FAT1: variants seen among roughly 807,000 people sequenced by gnomAD.
FAT1 encodes the protein protocadherin Fat 1.
In FAT1, 171 loss-of-function variants were observed where a neutral mutation model predicts 329.8. That is an observed-to-expected ratio of 0.52 (90% confidence interval 0.46 to 0.59). The LOEUF is 0.59. Ranked by LOEUF, FAT1 falls within the 20% of genes least tolerant of loss-of-function variation. The probability of loss-of-function intolerance (pLI) is 0.00; values close to 1 mark genes in which losing one functional copy is unlikely to be tolerated. For synonymous variants in FAT1, 2,233 were observed against 2,228.6 expected (o/e 1.00, Z -0.06); for missense variants, 5,672 against 5,774.4 (o/e 0.98, Z 0.57).
intron 3 of FAT1, among the ~76,000 whole-genome samples, chr4:186,640,294 T>C (rs965353149): frequency 2.6e-5 from 4 of 152,222 alleles, no homozygotes; most frequent in African/African-American, 9.6e-5. Context: ...TAATGACTCA[T>C]ATTGGATAAA....
At chr4:186,613,731 A>G (rs1739575386) in intron 12 of FAT1, among the ~76,000 whole-genome samples, 1 of 152,216 alleles carries the variant, frequency 6.6e-6, no homozygotes, top group South Asian at 2.1e-4. Context: ...GTTGATCCCA[A>G]TTTTACCAAA....
rs1739751980 is a variant in FAT1 at position 186,617,138 on chromosome 4, T to C, written c.8942A>G (p.Lys2981Arg). The C allele has an allele frequency of 6.2e-7, 1 of 1,613,882 alleles. No homozygotes were observed. The highest frequency in any genetic ancestry group is 8.5e-7 in the Non-Finnish European group (1 of 1,179,800). The part of the protein sequence containing the change: ...TIQNEWKVYV[K>R]KPLDREKRDN... ...CCTTTTTTCCCTGTCTAGAGGTTTC[T>C]TCACATATACCTTCCATTCATTCTG... The change falls in exon 11 of 27, where the codon AAG (lysine) becomes AGG (arginine). Residue 2981 changes from lysine (K) to arginine (R), a missense_variant. Around this residue, in one of 2 missense-constraint regions of FAT1, gnomAD observed 3,966 missense variants for 3,915.2 expected, o/e 1.01. Transcript: ENST00000441802.
At chr4:186,724,001 A>C (rs1473195631), upstream of FAT1, 17 of 150,544 alleles carry the variant, frequency 1.1e-4, no homozygotes, top group African/African-American at 4.2e-4. This position sits in a 1 kb window ranked among gnomAD's most constrained non-coding sequence, Gnocchi z 5.3. Context: ...GGACCCAAAG[A>C]GCCCCAGTCC....
intron 7 of FAT1, among the ~76,000 whole-genome samples, chr4:186,631,992 G>A (rs1740622172): frequency 6.6e-6 from 1 of 151,722 alleles, no homozygotes; most frequent in African/African-American, 2.4e-5. Flanking sequence ...GGTCAACCTG[G>A]GCTACTGTTC....
intron 16 of FAT1, among the ~76,000 whole-genome samples, chr4:186,607,641 G>T (rs1405071232): frequency 6.6e-6 from 1 of 151,824 alleles, no homozygotes; most frequent in Non-Finnish European, 1.5e-5. Flanking sequence ...ATATGTAGAT[G>T]GGTGAGTGAA....
chr4:186,716,295 G>A (rs1431643864), intron 1 of FAT1, among the ~76,000 whole-genome samples: 1 of 152,134 alleles, frequency 6.6e-6, no homozygotes, highest in Non-Finnish European at 1.5e-5. Context: ...CCCTCACTGT[G>A]CTCTTCTCCA....
At chr4:186,638,167 A>C (rs1740921833) in intron 4 of FAT1, among the ~76,000 whole-genome samples, 1 of 152,214 alleles carries the variant, frequency 6.6e-6, no homozygotes, top group Non-Finnish European at 1.5e-5. Context: ...ACCACCCCAA[A>C]AGGACCCTAC....
chr4:186,593,367 T>G (rs562051095), intron 26 of FAT1, among the ~76,000 whole-genome samples: 2 of 152,220 alleles, frequency 1.3e-5, no homozygotes, highest in Non-Finnish European at 2.9e-5. Context: ...TCAGATTGTT[T>G]TAAAATAACT....
intron 2 of FAT1, among the ~76,000 whole-genome samples, chr4:186,669,311 G>A (rs979469544): frequency 6.6e-6 from 1 of 152,164 alleles, no homozygotes; most frequent in East Asian, 1.9e-4. Context: ...AAACTCTGTC[G>A]CCACTCCCGT....
chr4:186,672,453 C>T (rs934490148), intron 2 of FAT1, among the ~76,000 whole-genome samples: 11 of 152,116 alleles, frequency 7.2e-5, no homozygotes, highest in African/African-American at 1.9e-4. Context: ...ATGACACTGA[C>T]CACCATGACC....
At chr4:186,694,694 G>T (rs1743945614) in intron 2 of FAT1, among the ~76,000 whole-genome samples, 1 of 152,156 alleles carries the variant, frequency 6.6e-6, no homozygotes, top group Non-Finnish European at 1.5e-5. Flanking sequence ...TGGGTACAGT[G>T]GTTCACACCA....
At chr4:186,649,821 A>T (rs1322643287) in intron 3 of FAT1, among the ~76,000 whole-genome samples, 2 of 152,230 alleles carry the variant, frequency 1.3e-5, no homozygotes, top group Admixed American at 6.5e-5. Flanking sequence ...TTATTGAGGT[A>T]TAACTGATAT....
At chr4:186,636,343 T>C (rs2126561813) in intron 5 of FAT1, 108 bp from the exon 6 acceptor site, 1 of 1,043,728 alleles carries the variant, frequency 9.6e-7, no homozygotes, top group East Asian at 2.5e-5. Flanking sequence ...ATTTCAAACA[T>C]TTCACATTTG....
rs575995985 is a variant in FAT1 at position 186,689,737 on chromosome 4, C to T, written c.3265+16826G>A. On this transcript the variant is annotated intron_variant, in intron 2 of 26. Coordinates refer to ENST00000441802, the MANE Select transcript of FAT1 (RefSeq NM_005245.4). The stretch of plus-strand genomic sequence containing the variant: ...ACCCACACCAGGCTAATTCAACAGG[C>T]AGAACTACTTAACTCTTCCACTTCC... 7.2e-5 allele frequency among the ~76,000 whole-genome samples: 11 copies of T among 152,310 alleles called. No homozygotes were observed. The East Asian group carries it at 2.1e-3, about 29-fold the overall frequency.
intron 21 of FAT1, among the ~76,000 whole-genome samples, chr4:186,600,996 G>C (rs559733410): frequency 6.6e-6 from 1 of 152,308 alleles, no homozygotes; most frequent in South Asian, 2.1e-4. Flanking sequence ...ACAGGCGTGA[G>C]CCACCACACC....
chr4:186,639,621 A>C (rs917160972), intron 4 of FAT1, 101 bp downstream of exon 4: 5 of 776,688 alleles, frequency 6.4e-6, no homozygotes, highest in Non-Finnish European at 1.0e-5. Flanking sequence ...ACAACAAAAT[A>C]TTAATAGCTA....
intron 1 of FAT1, among the ~76,000 whole-genome samples, chr4:186,722,420 CT>C (rs1460952821): frequency 1.4e-4 from 22 of 152,220 alleles, no homozygotes. Context: ...TTTAGCATCA[CT>C]CAAGGCTTAT....
chr4:186,708,085 A>C lies in FAT1; in HGVS notation c.1743T>G (p.Asp581Glu), dbSNP rs2126693753. ...KINCEGTIPRDLGVGEQITTV... is the reference protein window; with the variant it reads ...KINCEGTIPRELGVGEQITTV... ...TGGTTATTTGCTCTCCCACGCCTAG[A>C]TCTCTGGGAATTGTCCCTTCACAAT... Residue 581 changes from aspartate to glutamate, a missense_variant, in exon 2 of 27, where the codon GAT (aspartate) becomes GAG (glutamate). Physicochemically the swap from Asp to Glu is conservative, Grantham distance 45. This residue lies in a region of FAT1 where 3,966 missense variants were observed against 3,915.2 expected (regional missense o/e 1.01). Transcript: ENST00000441802. The C allele has an allele frequency of 6.2e-7, 1 of 1,613,994 alleles. No homozygotes were observed. The highest frequency in any genetic ancestry group is 8.5e-7 in the Non-Finnish European group (1 of 1,179,894).
intron 2 of FAT1, among the ~76,000 whole-genome samples, chr4:186,664,220 C>A (rs369100717): frequency 5.9e-5 from 9 of 152,176 alleles, no homozygotes; most frequent in African/African-American, 2.2e-4. Context: ...AAAGAAACTG[C>A]AACCTTCAAA....
Sources: allele counts gnomAD v4.1 joint callset (sites outside exome capture counted in the v4.1 genomes callset), GRCh38; gene constraint gnomAD v4.1.1; regional missense constraint gnomAD v4.1.1; non-coding constraint Gnocchi (gnomAD v3.1); transcripts MANE v1.5; gene names NCBI Gene and HGNC (gene_info 2026-07-23, HGNC 2026-07-21).